GPC6: variants seen among roughly 807,000 people sequenced by gnomAD.
The protein encoded by GPC6 is glypican 6, also known as glypican-6.
A neutral mutation model predicts 55.2 loss-of-function variants in GPC6; 14 were observed. The ratio of observed to expected loss-of-function variants is 0.25; its 90% CI spans 0.17 to 0.40. The LOEUF (loss-of-function observed/expected upper bound fraction) is 0.40, where lower values mean the gene tolerates loss of function less well. Ranked by LOEUF, GPC6 falls within the 10% of genes least tolerant of loss-of-function variation. The pLI is 1.00. For synonymous variants in GPC6, 278 were observed against 259.6 expected (o/e 1.07, Z -0.68); for missense variants, 641 against 708.5 (o/e 0.90, Z 1.08).
intron 3 of GPC6, among the ~76,000 whole-genome samples, chr13:93,860,083 G>A (rs1251031114): frequency 6.6e-6 from 1 of 151,604 alleles, no homozygotes; most frequent in African/African-American, 2.4e-5. Context: ...TCAACTCTTA[G>A]CAGACATTTA....
chr13:93,225,548 G>A (rs1033657657), upstream of GPC6, among the ~76,000 whole-genome samples: 2 of 151,464 alleles, frequency 1.3e-5, no homozygotes, highest in Non-Finnish European at 2.9e-5. Context: ...TGACCTATGA[G>A]TTTGAAGAAG....
At chr13:93,278,013 T>G (rs1274178486) in intron 1 of GPC6, among the ~76,000 whole-genome samples, 1 of 152,182 alleles carries the variant, frequency 6.6e-6, no homozygotes. Context: ...CTATAGTTCC[T>G]GGAAAGAGTA....
At chr13:94,150,096 T>G (rs888825620) in intron 4 of GPC6, among the ~76,000 whole-genome samples, 2 of 152,052 alleles carry the variant, frequency 1.3e-5, no homozygotes, top group Non-Finnish European at 2.9e-5. Flanking sequence ...TTGGTGCCCC[T>G]TATCTCAGAG....
intron 2 of GPC6, among the ~76,000 whole-genome samples, chr13:93,622,227 C>T (rs1489728304): frequency 6.6e-6 from 1 of 152,182 alleles, no homozygotes; most frequent in Non-Finnish European, 1.5e-5. Context: ...GTTGCTAATG[C>T]TCATTGAGAA....
chr13:94,316,490 G>A (rs2139124309), intron 6 of GPC6, among the ~76,000 whole-genome samples: 1 of 152,200 alleles, frequency 6.6e-6, no homozygotes, highest in South Asian at 2.1e-4. Flanking sequence ...GGCCGAGGCG[G>A]GCGGATCACG....
At chr13:93,881,352 G>C (rs537993160) in intron 3 of GPC6, among the ~76,000 whole-genome samples, 1 of 152,118 alleles carries the variant, frequency 6.6e-6, no homozygotes, top group Non-Finnish European at 1.5e-5. Context: ...ACTTGCAGAC[G>C]TAATGAGTAG....
At chr13:93,454,550 A>G (rs1299574315) in intron 1 of GPC6, among the ~76,000 whole-genome samples, 1 of 151,084 alleles carries the variant, frequency 6.6e-6, no homozygotes, top group Admixed American at 6.6e-5. Context: ...CCTGAGCTAG[A>G]CACAGGGTGC....
chr13:93,634,337 A>G (rs1321799226), intron 2 of GPC6, among the ~76,000 whole-genome samples: 1 of 152,162 alleles, frequency 6.6e-6, no homozygotes, highest in Non-Finnish European at 1.5e-5. Context: ...TCAACTGAAG[A>G]CCTAGTCTAG....
chr13:93,452,245 G>A (rs1878256006), intron 1 of GPC6, among the ~76,000 whole-genome samples: 1 of 152,076 alleles, frequency 6.6e-6, no homozygotes, highest in Non-Finnish European at 1.5e-5. Flanking sequence ...ACTATTTTCA[G>A]GATTATAAGT....
At chr13:93,638,016 C>A (rs909370278) in intron 2 of GPC6, among the ~76,000 whole-genome samples, 2 of 152,004 alleles carry the variant, frequency 1.3e-5, no homozygotes, top group African/African-American at 4.8e-5. Context: ...AAACCTAGAA[C>A]TTTCGGAGTT....
At chr13:93,992,704 T>C (rs1881365641) in intron 3 of GPC6, among the ~76,000 whole-genome samples, 1 of 152,204 alleles carries the variant, frequency 6.6e-6, no homozygotes, top group Non-Finnish European at 1.5e-5. Context: ...ATGAAGTCAT[T>C]ATTTAATTAG....
chr13:93,803,503 G>T (rs549156121), intron 2 of GPC6, among the ~76,000 whole-genome samples: 12 of 152,202 alleles, frequency 7.9e-5, no homozygotes, highest in Admixed American at 7.9e-4. Context: ...AAATGATACA[G>T]CTCCTACAAA....
At chr13:93,726,103 TACACACACACACACACACACACACACAC>T (rs71811304) in intron 2 of GPC6, among the ~76,000 whole-genome samples, 2 of 126,768 alleles carry the variant, frequency 1.6e-5, no homozygotes, top group African/African-American at 3.0e-5. Context: ...TTTTCCTTCA[TACACACACACACACACACACACACACAC>T]ACACACACAC....
chr13:93,368,478 G>A (rs990953079), intron 1 of GPC6, among the ~76,000 whole-genome samples: 4 of 150,424 alleles, frequency 2.7e-5, no homozygotes, highest in Non-Finnish European at 4.4e-5. Flanking sequence ...AAAAAGCTTG[G>A]TTGTAAAAGG....
chr13:93,991,600 G>A (rs956796914), intron 3 of GPC6, among the ~76,000 whole-genome samples: 2 of 152,034 alleles, frequency 1.3e-5, no homozygotes, highest in Non-Finnish European at 1.5e-5. Context: ...GTATTTTTAT[G>A]CCATTCTGTA....
intron 3 of GPC6, among the ~76,000 whole-genome samples, chr13:93,915,141 C>T (rs1286819008): frequency 6.6e-6 from 1 of 152,220 alleles, no homozygotes; most frequent in Admixed American, 6.5e-5. Context: ...GCTGTTGTCT[C>T]TCTTTCTCTG....
At chr13:93,713,045 TA>T (rs927623677) in intron 2 of GPC6, among the ~76,000 whole-genome samples, 6 of 151,676 alleles carry the variant, frequency 4.0e-5, no homozygotes, top group East Asian at 3.9e-4. Context: ...ATGTATTTAT[TA>T]AAAACCTCTT....
chr13:94,034,248 G>GGAAGGAAGGAAGGAAA (rs1371545784), intron 4 of GPC6, among the ~76,000 whole-genome samples: 13 of 92,764 alleles, frequency 1.4e-4, no homozygotes, highest in African/African-American at 4.5e-4. Context: ...AAGGAAGGAA[G>GGAAGGAAGGAAGGAAA]GAAAGAAAGA....
At chr13:93,973,874 T>G (rs1880403458) in intron 3 of GPC6, among the ~76,000 whole-genome samples, 1 of 152,178 alleles carries the variant, frequency 6.6e-6, no homozygotes, top group Admixed American at 6.5e-5. Flanking sequence ...GACAGAGAAC[T>G]AGATTTTAAA....
Sources: gnomAD v4.1 joint callset for allele counts (sites outside exome capture counted in the v4.1 genomes callset) on GRCh38, gnomAD v4.1.1 for gene constraint, MANE v1.5 for transcripts, NCBI Gene and HGNC (gene_info 2026-07-23, HGNC 2026-07-21) for gene names.